NELL2: variants seen among roughly 807,000 people sequenced by gnomAD.
The protein encoded by NELL2 is protein kinase C-binding protein NELL2.
NELL2 carries 41 observed loss-of-function variants against 109.6 expected under a neutral mutation model. The observed-to-expected ratio is 0.37, with a 90% CI of 0.29 to 0.49. The LOEUF (loss-of-function observed/expected upper bound fraction) is 0.49. NELL2 is among the 20% of genes least tolerant of loss of function. The pLI is 0.98. For synonymous variants in NELL2, 355 were observed against 344.7 expected (o/e 1.03, Z -0.33); for missense variants, 900 against 1,008.3 (o/e 0.89, Z 1.45).
intron 9 of NELL2, among the ~76,000 whole-genome samples, chr12:44,746,606 A>G (rs1471147957): frequency 6.6e-6 from 1 of 152,198 alleles, no homozygotes; most frequent in Admixed American, 6.5e-5. Flanking sequence ...TTACAAGAAA[A>G]AAACAAACAA....
intron 15 of NELL2, among the ~76,000 whole-genome samples, chr12:44,544,125 C>T (rs915257984): frequency 1.1e-4 from 16 of 151,916 alleles, no homozygotes; most frequent in East Asian, 1.9e-4. Context: ...GTAGTTGATA[C>T]GATGCGAAAT....
At chr12:44,587,961 C>A (rs977357328) in intron 15 of NELL2, among the ~76,000 whole-genome samples, 1 of 152,026 alleles carries the variant, frequency 6.6e-6, no homozygotes, top group African/African-American at 2.4e-5. Flanking sequence ...ACCATCCTGG[C>A]TAACATGGTG....
chr12:44,826,735 CA>C (rs1170099182), intron 2 of NELL2, among the ~76,000 whole-genome samples: 2 of 152,116 alleles, frequency 1.3e-5, no homozygotes, highest in Admixed American at 1.3e-4. Flanking sequence ...CTTACAAAAG[CA>C]ATTACAGCAG....
At chr12:44,747,844 T>C (rs1231128245) in intron 9 of NELL2, among the ~76,000 whole-genome samples, 2 of 152,178 alleles carry the variant, frequency 1.3e-5, no homozygotes, top group East Asian at 1.9e-4. Context: ...GGGACTTGTA[T>C]GAATTTTAGA....
intron 2 of NELL2, among the ~76,000 whole-genome samples, chr12:44,816,374 A>C (rs1943352103): frequency 6.6e-6 from 1 of 152,178 alleles, no homozygotes; most frequent in Admixed American, 6.5e-5. Context: ...TTTTTCAAAA[A>C]TGTCACCTTT....
At chr12:44,540,781 C>CAA (rs57205620) in intron 15 of NELL2, among the ~76,000 whole-genome samples, 4 of 49,742 alleles carry the variant, frequency 8.0e-5, no homozygotes, top group East Asian at 8.6e-4. Context: ...GTCTGCAAGC[C>CAA]AAAAAAAAAA....
chr12:44,678,741 A>C (rs1016425500), intron 12 of NELL2, among the ~76,000 whole-genome samples: 5 of 152,112 alleles, frequency 3.3e-5, no homozygotes, highest in Non-Finnish European at 5.9e-5. Context: ...TGTTGGAAGA[A>C]GGGAGAGGTC....
chr12:44,834,199 C>G (rs1291098597), intron 2 of NELL2, among the ~76,000 whole-genome samples: 2 of 152,144 alleles, frequency 1.3e-5, no homozygotes, highest in African/African-American at 2.4e-5. Context: ...CATCCAATGA[C>G]TCATTCACAT....
intron 18 of NELL2, among the ~76,000 whole-genome samples, chr12:44,520,513 G>A (rs1026882208): frequency 1.3e-5 from 2 of 152,040 alleles, no homozygotes; most frequent in Non-Finnish European, 2.9e-5. Flanking sequence ...ACAATAAAAT[G>A]TGCATGCCCC....
chr12:44,785,045 G>T (rs1942112399), intron 3 of NELL2, among the ~76,000 whole-genome samples: 3 of 152,202 alleles, frequency 2.0e-5, no homozygotes, highest in Admixed American at 2.0e-4. Context: ...AATCAGGCAA[G>T]AGGAAGAAAT....
intron 12 of NELL2, among the ~76,000 whole-genome samples, chr12:44,685,982 G>C (rs977019458): frequency 3.3e-5 from 5 of 152,136 alleles, no homozygotes; most frequent in Non-Finnish European, 5.9e-5. Flanking sequence ...GATTGGGGAA[G>C]TTCTCCTGGA....
At position 44,627,429 on chromosome 12, in the gene NELL2, C is replaced by CAAAAAAAA. The variant is rs200944318; in HGVS notation, c.1445-16467_1445-16460dup. ...TACTTCACAGAAAAAGCAGATGTAC[C>CAAAAAAAA]AAAAAAAAAAAAAATCAGAACTGAA... On this transcript the variant is annotated intron_variant, in intron 13 of 19. Coordinates refer to ENST00000429094, the MANE Select transcript of NELL2 (RefSeq NM_001145108.2). Among the ~76,000 whole-genome samples the CAAAAAAAA allele has an allele frequency of 2.9e-5, 4 of 139,738 alleles. No individual in the cohort carries two copies. The South Asian group carries it at 7.0e-4, about 24-fold the overall frequency. 91.7% of individuals were successfully genotyped at this position (139,738 alleles called of 152,430 possible).
intron 3 of NELL2, among the ~76,000 whole-genome samples, chr12:44,791,097 GTATA>G (rs371450408): frequency 2.6e-5 from 1 of 38,490 alleles, no homozygotes; most frequent in Non-Finnish European, 4.7e-5. Context: ...ATATATATAT[GTATA>G]TATATATGTA....
chr12:44,876,781 C>A, upstream of NELL2: 1 of 1,407,524 alleles, frequency 7.1e-7, no homozygotes, highest in Non-Finnish European at 9.3e-7. Context: ...ACTCCCCCTC[C>A]AGGGCGTGCG....
chr12:44,884,328 A>C (rs992997628), intron 1 of NELL2, among the ~76,000 whole-genome samples: 2 of 151,970 alleles, frequency 1.3e-5, no homozygotes, highest in African/African-American at 4.8e-5. Context: ...AATGTATGAA[A>C]CATTTACCTG....
Position 44,520,205 on chromosome 12 carries a change from G to A in NELL2, c.2200C>T (p.Leu734=). Reference sequence around the variant, plus strand: ...TCACACTCCACATCTGGGCAAGGCAGGGGCCAACAATCAACTTCCCCTTGC... The same window carrying A: ...TCACACTCCACATCTGGGCAAGGCAAGGGCCAACAATCAACTTCCCCTTGC... The part of the protein sequence containing the change: ...CLQGEVDCWP[L]PCPDVECEFS... The change falls in exon 19 of 20, where the codon CTG becomes TTG. Residue 734 remains leucine (L), a synonymous_variant. Coordinates refer to ENST00000429094, the MANE Select transcript of NELL2 (RefSeq NM_001145108.2). The A allele has an allele frequency of 7.4e-6, 12 of 1,612,444 alleles. No individual in the cohort carries two copies. Among genetic ancestry groups the A allele is most frequent in the Non-Finnish European group, 1.0e-5 (12 of 1,179,396 alleles).
chr12:44,542,083 T>C (rs1217462494), intron 15 of NELL2, among the ~76,000 whole-genome samples: 2 of 152,188 alleles, frequency 1.3e-5, no homozygotes, highest in African/African-American at 4.8e-5. Context: ...TTAGGCCATG[T>C]AGTTCCTTAG....
intron 15 of NELL2, among the ~76,000 whole-genome samples, chr12:44,586,337 G>T (rs943718080): frequency 1.3e-5 from 2 of 149,726 alleles, no homozygotes; most frequent in African/African-American, 4.9e-5. Context: ...CATATATATC[G>T]TATGTATGTC....
chr12:44,792,860 C>T (rs1436430454), intron 3 of NELL2, among the ~76,000 whole-genome samples: 10 of 152,198 alleles, frequency 6.6e-5, no homozygotes, highest in Admixed American at 1.3e-4. Context: ...TTTAAATGAG[C>T]GATTCCGAAT....
Sources: gnomAD v4.1 joint callset for allele counts (sites outside exome capture counted in the v4.1 genomes callset) on GRCh38, gnomAD v4.1.1 for gene constraint, MANE v1.5 for transcripts, NCBI Gene and HGNC (gene_info 2026-07-23, HGNC 2026-07-21) for gene names.